RABGEF1: variants seen among roughly 807,000 people sequenced by gnomAD.
The protein encoded by RABGEF1 is RAB guanine nucleotide exchange factor 1.
In RABGEF1, 26 loss-of-function variants were observed where a neutral mutation model predicts 57.3. The observed-to-expected ratio is 0.45, with a 90% CI of 0.33 to 0.63. The LOEUF (loss-of-function observed/expected upper bound fraction) is 0.63, where lower values mean the gene tolerates loss of function less well. Ranked by LOEUF, RABGEF1 falls within the 20% of genes least tolerant of loss-of-function variation. RABGEF1 has a pLI of 0.02. For synonymous variants in RABGEF1, 185 were observed against 210.7 expected (o/e 0.88, Z 1.06); for missense variants, 464 against 607.6 (o/e 0.76, Z 2.48).
chr7:66,786,250 C>T (rs1430546638), intron 4 of RABGEF1, among the ~76,000 whole-genome samples: 2 of 151,532 alleles, frequency 1.3e-5, no homozygotes, highest in Non-Finnish European at 1.5e-5. Context: ...ATTTTTAAGC[C>T]ATTTTATCTT....
chr7:66,654,992 G>A, the RABGEF1 span, among the ~76,000 whole-genome samples: 1 of 152,228 alleles, frequency 6.6e-6, no homozygotes. Context: ...CCCCGTCCAG[G>A]ACGCTGGCTC....
At chr7:66,703,270 C>T (rs1052917992) in intron 1 of RABGEF1, among the ~76,000 whole-genome samples, 2 of 152,172 alleles carry the variant, frequency 1.3e-5, no homozygotes, top group African/African-American at 4.8e-5. Flanking sequence ...CCGTGCCTGG[C>T]CTGTATGTAA....
intron 4 of RABGEF1, among the ~76,000 whole-genome samples, chr7:66,787,991 C>G (rs1184426969): frequency 6.6e-6 from 1 of 152,178 alleles, no homozygotes; most frequent in African/African-American, 2.4e-5. Context: ...TCTTTTGCTG[C>G]TCAAACTATT....
At chr7:66,737,152 G>A (rs2129042649), upstream of RABGEF1, among the ~76,000 whole-genome samples, 1 of 151,124 alleles carries the variant, frequency 6.6e-6, no homozygotes, top group Non-Finnish European at 1.5e-5. Context: ...CTGGTCTCAA[G>A]CTCCTGGCTT....
chr7:66,667,960 G>C, the RABGEF1 span, among the ~76,000 whole-genome samples: 2 of 152,144 alleles, frequency 1.3e-5, no homozygotes, highest in East Asian at 3.9e-4. Context: ...ACCACGCCTG[G>C]CTGATTTTTG....
At chr7:66,738,938 A>T (rs190407893), upstream of RABGEF1, among the ~76,000 whole-genome samples, 17 of 152,086 alleles carry the variant, frequency 1.1e-4, no homozygotes, top group East Asian at 3.3e-3. Flanking sequence ...CAGCACAGGT[A>T]CTTTGTGTTT....
At chr7:66,704,805 C>T (rs1408854851) in intron 1 of RABGEF1, among the ~76,000 whole-genome samples, 6 of 148,838 alleles carry the variant, frequency 4.0e-5, no homozygotes, top group Admixed American at 2.7e-4. Flanking sequence ...AGTGAGACTC[C>T]GTCTCAAAAA....
At chr7:66,791,496 AT>A (rs1812649222) in intron 4 of RABGEF1, among the ~76,000 whole-genome samples, 1 of 152,370 alleles carries the variant, frequency 6.6e-6, no homozygotes, top group African/African-American at 2.4e-5. Context: ...ATACAAAAAA[AT>A]ATGGACATGA....
At chr7:66,680,183 C>G (rs1370445618), upstream of RABGEF1, among the ~76,000 whole-genome samples, 1 of 151,990 alleles carries the variant, frequency 6.6e-6, no homozygotes, top group Non-Finnish European at 1.5e-5. Flanking sequence ...ATGTAATGTA[C>G]TACTTTAAAT....
chr7:66,660,821 C>T, the RABGEF1 span, among the ~76,000 whole-genome samples: 3 of 152,232 alleles, frequency 2.0e-5, no homozygotes, highest in Admixed American at 2.0e-4. Context: ...TACTTTCTAA[C>T]TCATTCTATG....
At chr7:66,759,215 G>A (rs1803585309) in intron 1 of RABGEF1, among the ~76,000 whole-genome samples, 1 of 152,198 alleles carries the variant, frequency 6.6e-6, no homozygotes, top group Non-Finnish European at 1.5e-5. Context: ...ATTCGTTCGA[G>A]GCTCTCACAG....
intron 2 of RABGEF1, among the ~76,000 whole-genome samples, chr7:66,717,265 A>G (rs569860026): frequency 6.6e-6 from 1 of 152,182 alleles, no homozygotes; most frequent in Non-Finnish European, 1.5e-5. Flanking sequence ...GCTTAGAATT[A>G]ATATTTTACC....
chr7:66,699,758 C>T (rs1018838686), intron 1 of RABGEF1, among the ~76,000 whole-genome samples: 6 of 151,886 alleles, frequency 4.0e-5, no homozygotes, highest in African/African-American at 1.2e-4. Flanking sequence ...GAGGCTGAGG[C>T]AGGAGGATCA....
upstream of RABGEF1, among the ~76,000 whole-genome samples, chr7:66,678,560 G>A (rs1350190590): frequency 6.9e-5 from 6 of 86,716 alleles, no homozygotes; most frequent in East Asian, 8.5e-4. Context: ...GTGAGAGTCC[G>A]TCTCAAAAAA....
the RABGEF1 span, among the ~76,000 whole-genome samples, chr7:66,675,053 TAAC>T: frequency 6.3e-4 from 96 of 152,296 alleles, no homozygotes; most frequent in Non-Finnish European, 1.2e-3. Context: ...TGCCTACTGA[TAAC>T]AACTAATAAC....
At chr7:66,726,403 TG>T (rs1796588448) in intron 2 of RABGEF1, among the ~76,000 whole-genome samples, 1 of 152,112 alleles carries the variant, frequency 6.6e-6, no homozygotes, top group South Asian at 2.1e-4. Flanking sequence ...CTTGCTCTGT[TG>T]TGCAGGCTGG....
At chr7:66,752,728 A>C (rs1801727916) in intron 1 of RABGEF1, among the ~76,000 whole-genome samples, 2 of 152,112 alleles carry the variant, frequency 1.3e-5, no homozygotes, top group Admixed American at 6.6e-5. Flanking sequence ...TGAATCAGAA[A>C]CTCTGGGGTG....
rs144779294 is a variant in RABGEF1 at position 66,805,218 on chromosome 7, A to G, written c.899A>G (p.Asn300Ser). 4.7e-4 allele frequency: 761 copies of G among 1,614,160 alleles called. 5 individuals carry two copies. In the African/African-American group the frequency reaches 8.3e-3, roughly 18 times the overall value. The change falls in exon 8 of 9, where the codon AAT becomes AGT. Residue 300 changes from asparagine (N) to serine (S), a missense_variant. Transcript: ENST00000284957. ...ACCAAGTGCAGCAAGCACATCTTCA[A>G]TGCCATCAAGATCACCAAGAATGAG... ...CITKCSKHIF[N>S]AIKITKNEPA...
chr7:66,794,591 G>T (rs1813570998), intron 4 of RABGEF1, among the ~76,000 whole-genome samples: 1 of 152,170 alleles, frequency 6.6e-6, no homozygotes. Context: ...GCCCAATGTT[G>T]TAAGGGCCAT....
Sources: allele counts gnomAD v4.1 joint callset (sites outside exome capture counted in the v4.1 genomes callset), GRCh38; gene constraint gnomAD v4.1.1; transcripts MANE v1.5; gene names NCBI Gene and HGNC (gene_info 2026-07-23, HGNC 2026-07-21).